The following CTNNA3 variants were observed in gnomAD, a reference collection of about 807,000 sequenced individuals.
The protein encoded by CTNNA3 is catenin alpha 3.
Under a neutral mutation model 95.7 loss-of-function variants are expected in CTNNA3, and 76 were observed. The ratio of observed to expected loss-of-function variants is 0.79; its 90% CI spans 0.66 to 0.96. The LOEUF (loss-of-function observed/expected upper bound fraction) is 0.96, where lower values mean the gene tolerates loss of function less well. CTNNA3 is among the 40% of genes least tolerant of loss of function. CTNNA3 has a pLI of 0.00. For synonymous variants in CTNNA3, 431 were observed against 374.4 expected (o/e 1.15, Z -1.74); for missense variants, 1,191 against 1,089.8 (o/e 1.09, Z -1.31).
intron 11 of CTNNA3, among the ~76,000 whole-genome samples, chr10:66,439,449 A>C (rs1216805975): frequency 6.6e-6 from 1 of 152,152 alleles, no homozygotes; most frequent in East Asian, 1.9e-4. Context: ...TTGTTACCTG[A>C]GGATTATGAT....
intron 1 of CTNNA3, among the ~76,000 whole-genome samples, chr10:67,648,516 C>T (rs995436449): frequency 2.6e-5 from 4 of 152,188 alleles, no homozygotes; most frequent in African/African-American, 9.7e-5. Context: ...CAAGTGTGTC[C>T]TTGTTCCTAG....
chr10:67,301,955 C>T (rs571067173), intron 5 of CTNNA3, among the ~76,000 whole-genome samples: 2 of 132,208 alleles, frequency 1.5e-5, no homozygotes, highest in Non-Finnish European at 3.0e-5. Flanking sequence ...GGCGACAGAG[C>T]GAGACTCGTC....
intron 7 of CTNNA3, among the ~76,000 whole-genome samples, chr10:67,049,883 T>C (rs893057021): frequency 6.6e-6 from 1 of 152,214 alleles, no homozygotes; most frequent in Non-Finnish European, 1.5e-5. Context: ...TAGCCTATGT[T>C]ATTCTAAGCA....
chr10:67,760,040 C>A lies in CTNNA3; in HGVS notation c.-2+3394G>T, dbSNP rs75356541. The stretch of plus-strand genomic sequence containing the variant: ...GTTTTACGCCACTAAGTTTATGGTT[C>A]TTTCTTATGCAGCAATAGAAAACGA... On this transcript the variant is annotated intron_variant, in intron 1 of 17. Coordinates refer to the CTNNA3 transcript ENST00000684154. Among the ~76,000 whole-genome samples the A allele has an allele frequency of 9.6e-3, 1,455 of 152,254 alleles. 33 individuals are homozygous for A. The highest frequency in any genetic ancestry group is 0.034 in the African/African-American group (1,395 of 41,536).
At chr10:65,957,341 C>A (rs902572032) in intron 17 of CTNNA3, among the ~76,000 whole-genome samples, 1 of 152,124 alleles carries the variant, frequency 6.6e-6, no homozygotes, top group Non-Finnish European at 1.5e-5. Context: ...GACTCTTTAT[C>A]CAATTTGCCA....
intron 9 of CTNNA3, among the ~76,000 whole-genome samples, chr10:66,714,768 T>A (rs1848401192): frequency 1.3e-5 from 2 of 152,146 alleles, no homozygotes; most frequent in African/African-American, 4.8e-5. Flanking sequence ...CAAGTGATTA[T>A]CATGCATTTT....
At chr10:66,115,378 G>C (rs537104994) in intron 13 of CTNNA3, among the ~76,000 whole-genome samples, 1 of 152,088 alleles carries the variant, frequency 6.6e-6, no homozygotes, top group Non-Finnish European at 1.5e-5. Context: ...CTGTGGATGC[G>C]TAAAAGCTGT....
At chr10:67,561,901 A>C (rs1444675948) in intron 3 of CTNNA3, among the ~76,000 whole-genome samples, 2 of 152,214 alleles carry the variant, frequency 1.3e-5, no homozygotes, top group African/African-American at 4.8e-5. Context: ...GAAATGGATA[A>C]ATTCCTGGAC....
At position 66,531,472 on chromosome 10, in the gene CTNNA3, A is replaced by G. The variant is rs1040740203; in HGVS notation, c.1375-10699T>C. Among the ~76,000 whole-genome samples, 22 of 152,136 alleles carry G rather than the reference A, an allele frequency of 1.4e-4. 1 individual carries two copies. The highest frequency in any genetic ancestry group is 1.4e-3 in the Admixed American group (22 of 15,272). The stretch of plus-strand genomic sequence containing the variant: ...TGGTGCAGCCCCAAAAATTCAAGCA[A>G]TGCTCCTGGCTCAGCCTCCTGAGTA... On this transcript the variant is annotated intron_variant, in intron 10 of 17. Transcript: ENST00000433211.
At chr10:66,477,352 G>T (rs1839363517) in intron 11 of CTNNA3, among the ~76,000 whole-genome samples, 1 of 151,990 alleles carries the variant, frequency 6.6e-6, no homozygotes, top group Non-Finnish European at 1.5e-5. Context: ...TTAAAATGTT[G>T]ATGTATCTAT....
At chr10:67,207,876 A>G (rs907288652) in intron 6 of CTNNA3, among the ~76,000 whole-genome samples, 1 of 152,200 alleles carries the variant, frequency 6.6e-6, no homozygotes, top group Admixed American at 6.5e-5. Context: ...TGACCTCATC[A>G]TCAGAGTATG....
intron 7 of CTNNA3, among the ~76,000 whole-genome samples, chr10:66,841,101 T>G (rs1843052063): frequency 6.6e-6 from 1 of 152,194 alleles, no homozygotes; most frequent in Non-Finnish European, 1.5e-5. Context: ...TTGCTTTTTT[T>G]CCTTGTTTTC....
At chr10:66,348,249 T>G (rs1266616625) in intron 12 of CTNNA3, among the ~76,000 whole-genome samples, 1 of 152,120 alleles carries the variant, frequency 6.6e-6, no homozygotes, top group Non-Finnish European at 1.5e-5. Context: ...AGTCTATATA[T>G]TTTTATCAGT....
chr10:67,753,992 C>A (rs371245816), intron 1 of CTNNA3, among the ~76,000 whole-genome samples: 1 of 152,184 alleles, frequency 6.6e-6, no homozygotes, highest in African/African-American at 2.4e-5. Flanking sequence ...ATAAATCATT[C>A]TATTATAAAG....
intron 5 of CTNNA3, among the ~76,000 whole-genome samples, chr10:67,222,233 T>C (rs1646968130): frequency 1.3e-5 from 2 of 152,196 alleles, no homozygotes; most frequent in South Asian, 4.1e-4. Context: ...GGAGGACAGT[T>C]AGAAGTAGCT....
intron 15 of CTNNA3, among the ~76,000 whole-genome samples, chr10:65,996,249 T>C (rs890167379): frequency 2.0e-5 from 3 of 152,120 alleles, no homozygotes; most frequent in Non-Finnish European, 4.4e-5. Context: ...TTGCTATCAG[T>C]GGGAGCAGCC....
At chr10:66,337,936 A>G (rs997529964) in intron 12 of CTNNA3, among the ~76,000 whole-genome samples, 5 of 152,098 alleles carry the variant, frequency 3.3e-5, no homozygotes, top group Non-Finnish European at 7.4e-5. Context: ...GAAGCTATGC[A>G]TAGCCTAGGT....
At chr10:66,977,661 T>C (rs1850127341) in intron 7 of CTNNA3, among the ~76,000 whole-genome samples, 1 of 152,214 alleles carries the variant, frequency 6.6e-6, no homozygotes. Flanking sequence ...GGGCCTTGTA[T>C]GTTTTAAAGG....
At chr10:67,359,023 A>C (rs1407230879) in intron 5 of CTNNA3, among the ~76,000 whole-genome samples, 1 of 152,134 alleles carries the variant, frequency 6.6e-6, no homozygotes, top group Non-Finnish European at 1.5e-5. Flanking sequence ...ATCTAATAGA[A>C]TGCAGCCTAG....
Sources: gnomAD v4.1 joint callset for allele counts (sites outside exome capture counted in the v4.1 genomes callset) on GRCh38, gnomAD v4.1.1 for gene constraint, MANE v1.5 for transcripts, NCBI Gene and HGNC (gene_info 2026-07-23, HGNC 2026-07-21) for gene names.